ZNF423: variants seen among roughly 807,000 people sequenced by gnomAD.
ZNF423 encodes Ebf-associated zinc finger protein.
ZNF423 carries 12 observed loss-of-function variants against 95.8 expected under a neutral mutation model. The observed-to-expected ratio is 0.13, with a 90% CI of 0.08 to 0.20. The LOEUF is 0.20. ZNF423 is among the 10% of genes least tolerant of loss of function. The pLI, the probability that ZNF423 is intolerant of heterozygous loss-of-function variation, is 1.00. For missense variants in ZNF423, 1,316 were observed against 1,737.1 expected, an observed-to-expected ratio of 0.76 and a Z score of 4.31; for synonymous variants, 749 against 711.9, an observed-to-expected ratio of 1.05 and a Z score of -0.83.
intron 2 of ZNF423, among the ~76,000 whole-genome samples, chr16:49,735,042 C>T (rs550762543): frequency 3.3e-5 from 5 of 152,190 alleles, no homozygotes; most frequent in Middle Eastern, 3.4e-3. Context: ...CACAGTAAGA[C>T]GCAATGAACA....
chr16:49,796,867 T>C (rs1327870738), intron 1 of ZNF423, among the ~76,000 whole-genome samples: 1 of 152,098 alleles, frequency 6.6e-6, no homozygotes, highest in Non-Finnish European at 1.5e-5. Flanking sequence ...CATCAGAAGA[T>C]CTAGAACCAC....
chr16:49,690,772 G>T (rs1225341797), intron 3 of ZNF423, among the ~76,000 whole-genome samples: 2 of 152,180 alleles, frequency 1.3e-5, no homozygotes, highest in African/African-American at 4.8e-5. Flanking sequence ...GGCACACAGA[G>T]AGGTACCCCC....
At chr16:49,694,413 G>A (rs1162036541) in intron 3 of ZNF423, among the ~76,000 whole-genome samples, 2 of 152,208 alleles carry the variant, frequency 1.3e-5, no homozygotes, top group Admixed American at 1.3e-4. Flanking sequence ...AATTGCTAGG[G>A]GCACTAGCAG....
chr16:49,617,405 G>A (rs1340352276), intron 5 of ZNF423, among the ~76,000 whole-genome samples: 1 of 152,230 alleles, frequency 6.6e-6, no homozygotes. Flanking sequence ...TGCATCAGCT[G>A]CTGCCAAGCA....
intron 3 of ZNF423, among the ~76,000 whole-genome samples, chr16:49,699,256 G>A (rs1440058042): frequency 2.6e-5 from 4 of 152,162 alleles, no homozygotes; most frequent in Admixed American, 1.3e-4. Context: ...CTCCCCCGGG[G>A]GCCGCACAAA....
intron 5 of ZNF423, among the ~76,000 whole-genome samples, chr16:49,598,790 T>C (rs1733443774): frequency 6.6e-6 from 1 of 152,226 alleles, no homozygotes; most frequent in Non-Finnish European, 1.5e-5. Context: ...ACTGAAGTGG[T>C]CGGGGGTGAT....
intron 3 of ZNF423, among the ~76,000 whole-genome samples, chr16:49,725,711 G>C (rs1331671471): frequency 3.3e-5 from 5 of 152,162 alleles, no homozygotes; most frequent in African/African-American, 1.2e-4. Flanking sequence ...ATAGTGCCTC[G>C]CGGGCAGTAG....
chr16:49,739,623 G>A (rs1185097736), intron 2 of ZNF423, among the ~76,000 whole-genome samples: 11 of 151,912 alleles, frequency 7.2e-5, no homozygotes, highest in South Asian at 2.1e-4. Context: ...AGGGAAAAAC[G>A]GTCCAGGAAG....
intron 3 of ZNF423, among the ~76,000 whole-genome samples, chr16:49,693,760 T>C (rs1026183905): frequency 6.6e-6 from 1 of 152,164 alleles, no homozygotes; most frequent in Non-Finnish European, 1.5e-5. Context: ...GGGATTAACT[T>C]GCCCTCTTTT....
intron 4 of ZNF423, 111 bp from the exon 5 acceptor site, chr16:49,626,365 C>A: frequency 1.1e-6 from 1 of 888,852 alleles, no homozygotes. Context: ...GTTCCAGTCC[C>A]CTCCTAGGTC....
At chr16:49,702,490 G>T (rs1300381606) in intron 3 of ZNF423, among the ~76,000 whole-genome samples, 1 of 152,120 alleles carries the variant, frequency 6.6e-6, no homozygotes, top group Non-Finnish European at 1.5e-5. Flanking sequence ...ATCTTGAGGC[G>T]ACCTCACTGA....
At position 49,599,960 on chromosome 16, in the gene ZNF423, G is replaced by A. The variant is rs552440286; in HGVS notation, c.3601+26210C>T. Among the ~76,000 whole-genome samples, 190 of 152,292 alleles carry A rather than the reference G, an allele frequency of 1.2e-3. 7 individuals are homozygous for A. In the South Asian group the frequency reaches 0.015, roughly 12 times the overall value. Reference sequence around the variant, plus strand: ...GCTGGTTACACAGGTGTACACACTTGTAAAACTGTATCACGCAATACCATA... The same window carrying A: ...GCTGGTTACACAGGTGTACACACTTATAAAACTGTATCACGCAATACCATA... On this transcript the variant is annotated intron_variant, in intron 5 of 7. Coordinates refer to ENST00000563137, the MANE Select transcript of ZNF423 (RefSeq NM_001379286.1).
intron 2 of ZNF423, among the ~76,000 whole-genome samples, chr16:49,770,574 C>G (rs1466845917): frequency 1.3e-5 from 2 of 151,474 alleles, no homozygotes; most frequent in African/African-American, 4.9e-5. Context: ...AAAGGACAGG[C>G]CCCCCCAGAA....
chr16:49,599,249 A>C (rs1416981967), intron 5 of ZNF423, among the ~76,000 whole-genome samples: 3 of 152,236 alleles, frequency 2.0e-5, no homozygotes, highest in Non-Finnish European at 4.4e-5. Context: ...TGTTCCAAAG[A>C]AAAAGGCTAG....
chr16:49,514,926 G>T (rs879449241), intron 7 of ZNF423, among the ~76,000 whole-genome samples: 1 of 152,204 alleles, frequency 6.6e-6, no homozygotes, highest in Non-Finnish European at 1.5e-5. Flanking sequence ...ACATGCCCTG[G>T]CAGGCAGTGC....
intron 3 of ZNF423, among the ~76,000 whole-genome samples, chr16:49,664,783 C>A (rs189054861): frequency 6.6e-6 from 1 of 152,228 alleles, no homozygotes; most frequent in South Asian, 2.1e-4. Flanking sequence ...CGCTGCTCAC[C>A]GAAAGGTGCC....
At chr16:49,814,337 C>A (rs2034803162) in intron 1 of ZNF423, among the ~76,000 whole-genome samples, 3 of 152,014 alleles carry the variant, frequency 2.0e-5, no homozygotes, top group Admixed American at 2.0e-4. Context: ...ACTGCACCTA[C>A]CCTTTCCAAC....
At chr16:49,824,863 G>C (rs1271743654) in intron 1 of ZNF423, among the ~76,000 whole-genome samples, 2 of 152,118 alleles carry the variant, frequency 1.3e-5, no homozygotes, top group Non-Finnish European at 2.9e-5. Context: ...CCAATGGGCG[G>C]GCACCTCCAC....
chr16:49,697,127 AG>A (rs1362269590), intron 3 of ZNF423, among the ~76,000 whole-genome samples: 1 of 152,170 alleles, frequency 6.6e-6, no homozygotes, highest in Non-Finnish European at 1.5e-5. Flanking sequence ...CTTGCTTCCA[AG>A]CAAGACTCAT....
Sources: allele counts gnomAD v4.1 joint callset (sites outside exome capture counted in the v4.1 genomes callset), GRCh38; gene constraint gnomAD v4.1.1; transcripts MANE v1.5; gene names NCBI Gene and HGNC (gene_info 2026-07-23, HGNC 2026-07-21).